EYA1: variants seen among roughly 807,000 people sequenced by gnomAD.
EYA1 encodes the protein protein phosphatase EYA1.
In EYA1, 16 loss-of-function variants were observed where a neutral mutation model predicts 82.0. The ratio of observed to expected loss-of-function variants is 0.20; its 90% confidence interval spans 0.13 to 0.30. The LOEUF is 0.30. EYA1 is among the 10% of genes least tolerant of loss of function. EYA1 has a pLI of 1.00. For synonymous variants in EYA1, 261 were observed against 264.4 expected, an observed-to-expected ratio of 0.99 and a Z score of 0.12; for missense variants, 633 against 730.7, an observed-to-expected ratio of 0.87 and a Z score of 1.54.
chr8:71,354,296 AG>A (rs1826620556), intron 3 of EYA1, among the ~76,000 whole-genome samples: 1 of 152,158 alleles, frequency 6.6e-6, no homozygotes, highest in Admixed American at 6.5e-5. Flanking sequence ...TCATAGCCAA[AG>A]CCTTAAGAAC....
intron 2 of EYA1, among the ~76,000 whole-genome samples, chr8:71,512,862 G>C (rs919260978): frequency 6.6e-6 from 1 of 151,994 alleles, no homozygotes; most frequent in African/African-American, 2.4e-5. Flanking sequence ...CCCACAAAAA[G>C]AAAAGCAGTG....
rs538470280 is a variant in EYA1, at chr8:71,284,911, C to T, written c.827-13014G>A. Among the ~76,000 whole-genome samples, 8 of 152,308 alleles carry T rather than the reference C, an allele frequency of 5.3e-5. No homozygotes were observed. In the East Asian group the frequency reaches 1.5e-3, roughly 29 times the overall value. ...TATGTAAGGAATCTGTTGTTGCACT[C>T]TTCCTGAGGACTTTGTTTCTTCTAG... On this transcript the variant is annotated intron_variant, in intron 9 of 17. Transcript: ENST00000340726.
chr8:71,251,039 G>T, intron 11 of EYA1, among the ~76,000 whole-genome samples: 1 of 152,162 alleles, frequency 6.6e-6, no homozygotes, highest in Non-Finnish European at 1.5e-5. Flanking sequence ...GTGTTCACTA[G>T]TAAATGCTAT....
intron 1 of EYA1, among the ~76,000 whole-genome samples, chr8:71,358,562 A>T (rs1216358928): frequency 6.6e-6 from 1 of 152,204 alleles, no homozygotes; most frequent in Non-Finnish European, 1.5e-5. Flanking sequence ...GTGGTCCAGG[A>T]AAAATAAATC....
At chr8:71,534,165 C>G (rs951625882) in intron 2 of EYA1, among the ~76,000 whole-genome samples, 15 of 152,276 alleles carry the variant, frequency 9.9e-5, no homozygotes, top group African/African-American at 3.4e-4. Flanking sequence ...CAACTTGCCT[C>G]CATCTAGGGA....
intron 2 of EYA1, among the ~76,000 whole-genome samples, chr8:71,513,881 A>G (rs1262189418): frequency 1.3e-5 from 2 of 152,116 alleles, no homozygotes; most frequent in Admixed American, 6.6e-5. Flanking sequence ...TTCACTTAAC[A>G]TAATGATCTC....
intron 7 of EYA1, among the ~76,000 whole-genome samples, chr8:71,316,898 A>C (rs562374641): frequency 1.3e-5 from 2 of 152,220 alleles, no homozygotes; most frequent in Non-Finnish European, 2.9e-5. Context: ...AGTAATGTCT[A>C]TGTATTCTTG....
At chr8:71,457,865 C>T (rs1026578903) in intron 2 of EYA1, among the ~76,000 whole-genome samples, 1 of 152,024 alleles carries the variant, frequency 6.6e-6, no homozygotes, top group Non-Finnish European at 1.5e-5. Context: ...CACATGTACC[C>T]TAGAACTTAA....
chr8:71,481,784 A>G (rs1456913923), intron 2 of EYA1, among the ~76,000 whole-genome samples: 2 of 152,204 alleles, frequency 1.3e-5, no homozygotes, highest in Non-Finnish European at 2.9e-5. Context: ...AATTGAAGCC[A>G]GGGCAATCAC....
rs561306454 is a variant in EYA1 at position 71,477,663 on chromosome 8, G to A, written c.33+58081C>T. ...TGCAAACACTGTGGTAAAAATTTTG[G>A]TCACTCCTGTAATATTTAAACACAG... is the stretch of plus-strand genomic sequence containing the variant. On this transcript the variant is annotated intron_variant, in intron 2 of 18. Transcript: ENST00000643681. 2.6e-5 allele frequency among the ~76,000 whole-genome samples: 4 copies of A among 152,094 alleles called. No homozygotes were observed. The South Asian group carries it at 8.3e-4, about 32-fold the overall frequency.
intron 7 of EYA1, among the ~76,000 whole-genome samples, chr8:71,307,761 A>G (rs1156383985): frequency 1.3e-5 from 2 of 152,212 alleles, no homozygotes; most frequent in African/African-American, 4.8e-5. Context: ...TCGCATCCAC[A>G]TACCATCGGA....
At chr8:71,547,475 T>C (rs1374026849) in intron 1 of EYA1, 1 of 152,060 alleles carries the variant, frequency 6.6e-6, no homozygotes, top group Non-Finnish European at 1.5e-5. Flanking sequence ...GGCCCCATTA[T>C]TGCGCGCACC....
At chr8:71,513,203 G>A (rs1257193961) in intron 2 of EYA1, among the ~76,000 whole-genome samples, 2 of 151,600 alleles carry the variant, frequency 1.3e-5, no homozygotes, top group Non-Finnish European at 2.9e-5. Flanking sequence ...ACAAAAGAAT[G>A]GTGACAAAAT....
chr8:71,508,391 A>C (rs1189746881), intron 2 of EYA1, among the ~76,000 whole-genome samples: 1 of 152,150 alleles, frequency 6.6e-6, no homozygotes, highest in African/African-American at 2.4e-5. Flanking sequence ...CTCCCACCTC[A>C]GCCCCCCAAG....
At chr8:71,406,730 C>T (rs376383386) in intron 2 of EYA1, among the ~76,000 whole-genome samples, 99 of 151,848 alleles carry the variant, frequency 6.5e-4, no homozygotes, top group Middle Eastern at 3.4e-3. Context: ...CCTACGCCCA[C>T]GGAATCTCGC....
chr8:71,406,347 A>G (rs1372358687), intron 2 of EYA1, among the ~76,000 whole-genome samples: 2 of 152,212 alleles, frequency 1.3e-5, no homozygotes, highest in African/African-American at 4.8e-5. Flanking sequence ...TGATGACATA[A>G]AGAAATTGTT....
At chr8:71,272,877 T>C (rs1281764358) in intron 9 of EYA1, among the ~76,000 whole-genome samples, 1 of 127,422 alleles carries the variant, frequency 7.8e-6, no homozygotes, top group Admixed American at 9.6e-5. Flanking sequence ...GGAATGATTA[T>C]TTTCCCTACG....
chr8:71,539,792 G>C (rs1815002880), intron 1 of EYA1, among the ~76,000 whole-genome samples: 1 of 152,162 alleles, frequency 6.6e-6, no homozygotes, highest in Non-Finnish European at 1.5e-5. Flanking sequence ...GCCACTCTAG[G>C]GAGAGTGGAG....
chr8:71,546,996 C>T (rs1366903827), intron 1 of EYA1, among the ~76,000 whole-genome samples: 1 of 152,188 alleles, frequency 6.6e-6, no homozygotes, highest in African/African-American at 2.4e-5. Flanking sequence ...AGTGTTTACA[C>T]AGCGGGCATT....
Sources: allele counts gnomAD v4.1 joint callset (sites outside exome capture counted in the v4.1 genomes callset), GRCh38; gene constraint gnomAD v4.1.1; transcripts MANE v1.5; gene names NCBI Gene and HGNC (gene_info 2026-07-23, HGNC 2026-07-21).